NAALADL2: variants seen among roughly 807,000 people sequenced by gnomAD.
NAALADL2 encodes N-acetylated alpha-linked acidic dipeptidase like 2.
NAALADL2 carries 76 observed loss-of-function variants against 87.2 expected under a neutral mutation model. The observed-to-expected ratio is 0.87, with a 90% CI of 0.72 to 1.05. The LOEUF (loss-of-function observed/expected upper bound fraction) is 1.05. NAALADL2 is among the 50% of genes least tolerant of loss of function. The pLI is 0.00. For synonymous variants in NAALADL2, 354 were observed against 331.0 expected (o/e 1.07, Z -0.75); for missense variants, 1,089 against 945.8 (o/e 1.15, Z -1.99).
In NAALADL2 at chr3:174,753,364, C is replaced by G. The variant is rs187448102; in HGVS notation, c.-9+15618C>G. On this transcript the variant is annotated intron_variant, in intron 3 of 3. Coordinates refer to the NAALADL2 transcript ENST00000434257. ...GTGCTGGGATTACAGGCATGAGCCA[C>G]TGCTCCTGGTGATCCCCTTTTTTTC... is the stretch of plus-strand genomic sequence containing the variant. Among the ~76,000 whole-genome samples, 39 of 152,370 alleles carry G rather than the reference C, an allele frequency of 2.6e-4. No individual in the cohort carries two copies. In the East Asian group the frequency reaches 6.6e-3, roughly 26 times the overall value.
rs1553857555 is a variant in NAALADL2 at position 175,314,690 on chromosome 3, A to ATATATAGTTCTAAC, written c.940-9479_940-9478insGTTCTAACTATATA. ...ACTATATATATATATATATATATAT[A>ATATATAGTTCTAAC]TATATATATATATATATATATATAT... On this transcript the variant is annotated intron_variant, in intron 4 of 13. Transcript: ENST00000454872. 1.3e-3 allele frequency among the ~76,000 whole-genome samples: 67 copies of ATATATAGTTCTAAC among 51,470 alleles called. 1 individual carries two copies. Among genetic ancestry groups the ATATATAGTTCTAAC allele is most frequent in the Non-Finnish European group, 1.9e-3 (50 of 26,810 alleles). 33.8% of individuals were successfully genotyped at this position (51,470 alleles called of 152,430 possible).
intron 2 of NAALADL2, among the ~76,000 whole-genome samples, chr3:174,721,456 C>T (rs768708884): frequency 3.9e-5 from 6 of 152,074 alleles, no homozygotes; most frequent in African/African-American, 7.2e-5. Context: ...TGTGACGCAG[C>T]GAGGCAAGAG....
chr3:174,817,718 A>G (rs530574389), intron 3 of NAALADL2, among the ~76,000 whole-genome samples: 84 of 152,322 alleles, frequency 5.5e-4, no homozygotes, highest in African/African-American at 2.0e-3. Flanking sequence ...AAATATTTTT[A>G]TCACTCTCCT....
At chr3:174,947,584 T>A (rs1381578635) in intron 1 of NAALADL2, among the ~76,000 whole-genome samples, 1 of 152,130 alleles carries the variant, frequency 6.6e-6, no homozygotes, top group Non-Finnish European at 1.5e-5. Flanking sequence ...AATTTAGGAA[T>A]GATGCTAATA....
At chr3:175,690,644 G>C (rs2149914673) in intron 11 of NAALADL2, among the ~76,000 whole-genome samples, 1 of 152,086 alleles carries the variant, frequency 6.6e-6, no homozygotes, top group South Asian at 2.1e-4. Flanking sequence ...TGAGGGCAGT[G>C]TCTTAATACC....
intron 5 of NAALADL2, among the ~76,000 whole-genome samples, chr3:175,388,097 A>C (rs531290343): frequency 2.6e-5 from 4 of 152,168 alleles, no homozygotes; most frequent in African/African-American, 9.6e-5. Flanking sequence ...TTTGAAAGGA[A>C]ACTATGATCT....
At chr3:174,800,895 G>A (rs1228898116) in intron 3 of NAALADL2, among the ~76,000 whole-genome samples, 1 of 152,200 alleles carries the variant, frequency 6.6e-6, no homozygotes. Context: ...CTGGATTATG[G>A]ACTTGCATGG....
chr3:175,468,914 TG>T (rs1425987306), intron 8 of NAALADL2, among the ~76,000 whole-genome samples: 1 of 152,082 alleles, frequency 6.6e-6, no homozygotes, highest in Non-Finnish European at 1.5e-5. Flanking sequence ...TAAGTTTTTG[TG>T]GGGTCATTGT....
chr3:175,495,070 T>C (rs1728615268), intron 9 of NAALADL2, among the ~76,000 whole-genome samples: 1 of 131,052 alleles, frequency 7.6e-6, no homozygotes, highest in Non-Finnish European at 1.6e-5. Context: ...GTATAAGCAA[T>C]CCCATATATA....
chr3:174,920,950 C>G (rs751098076), intron 1 of NAALADL2, among the ~76,000 whole-genome samples: 1 of 152,164 alleles, frequency 6.6e-6, no homozygotes, highest in African/African-American at 2.4e-5. Flanking sequence ...TCTCAGAACA[C>G]GGTCAGCATT....
chr3:175,421,256 G>A (rs1418986572), intron 5 of NAALADL2, among the ~76,000 whole-genome samples: 1 of 151,970 alleles, frequency 6.6e-6, no homozygotes. Flanking sequence ...ACTTATAGAT[G>A]CTCTACCTTT....
chr3:175,172,917 G>C (rs1425504692), intron 2 of NAALADL2, among the ~76,000 whole-genome samples: 1 of 152,090 alleles, frequency 6.6e-6, no homozygotes, highest in African/African-American at 2.4e-5. Context: ...TGTCCATTAG[G>C]AGTGTTCAAG....
chr3:174,926,731 G>C (rs1736099497), intron 1 of NAALADL2, among the ~76,000 whole-genome samples: 1 of 152,134 alleles, frequency 6.6e-6, no homozygotes, highest in Admixed American at 6.5e-5. Context: ...GGAACAACTG[G>C]TTCCAGCTCC....
intron 11 of NAALADL2, among the ~76,000 whole-genome samples, chr3:175,664,219 G>A (rs774586045): frequency 2.6e-5 from 4 of 152,058 alleles, no homozygotes; most frequent in Non-Finnish European, 5.9e-5. Flanking sequence ...TAGCCTAGTA[G>A]AGGTATAGAA....
chr3:175,125,179 C>G (rs1726760608), intron 2 of NAALADL2, among the ~76,000 whole-genome samples: 1 of 151,890 alleles, frequency 6.6e-6, no homozygotes. Context: ...TACTTATTTT[C>G]AATTTAATTG....
chr3:175,096,348 C>T (rs1166196507), intron 1 of NAALADL2, among the ~76,000 whole-genome samples: 7 of 151,878 alleles, frequency 4.6e-5, no homozygotes, highest in Admixed American at 1.3e-4. Context: ...CTTACCAAAT[C>T]GCAGCTTTAT....
chr3:175,370,531 T>G (rs2148946800), intron 5 of NAALADL2, among the ~76,000 whole-genome samples: 1 of 152,260 alleles, frequency 6.6e-6, no homozygotes, highest in South Asian at 2.1e-4. Flanking sequence ...AAAATAGCTT[T>G]ATTCATTTGC....
At chr3:175,407,448 T>A (rs1234081072) in intron 5 of NAALADL2, among the ~76,000 whole-genome samples, 2 of 152,174 alleles carry the variant, frequency 1.3e-5, no homozygotes, top group Admixed American at 6.5e-5. Flanking sequence ...AGCAAAGCAC[T>A]CTATATGTTT....
At chr3:175,258,042 CTCACACCTGT>C (rs1467265531) in intron 4 of NAALADL2, among the ~76,000 whole-genome samples, 8 of 152,114 alleles carry the variant, frequency 5.3e-5, no homozygotes, top group African/African-American at 1.9e-4. Context: ...GGCGCGGTGT[CTCACACCTGT>C]AATCCCAGCA....
Sources: allele counts gnomAD v4.1 joint callset (sites outside exome capture counted in the v4.1 genomes callset), GRCh38; gene constraint gnomAD v4.1.1; transcripts MANE v1.5; gene names NCBI Gene and HGNC (gene_info 2026-07-23, HGNC 2026-07-21).